The following WFDC11 variants were observed in gnomAD, a reference collection of about 807,000 sequenced individuals.
WFDC11 encodes the protein protein WFDC11.
Under a neutral mutation model 9.9 loss-of-function variants are expected in WFDC11, and 9 were observed. The observed-to-expected ratio is 0.91, with a 90% CI of 0.55 to 1.58. The LOEUF (loss-of-function observed/expected upper bound fraction) is 1.58, where lower values mean the gene tolerates loss of function less well. Among genes scored for constraint, WFDC11 ranks in the 40% most tolerant of loss-of-function variants. The pLI is 0.00. For synonymous variants in WFDC11, 32 were observed against 33.3 expected (o/e 0.96, Z 0.13); for missense variants, 106 against 101.7 (o/e 1.04, Z -0.18).
intron 2 of WFDC11, among the ~76,000 whole-genome samples, chr20:45,656,629 T>G (rs13039037): frequency 0.18 from 26,982 of 149,090 alleles, 2,675 homozygotes; most frequent in East Asian, 0.3. Context: ...CAAAGGAAAC[T>G]ACCATCAGAG....
At chr20:45,657,299 T>A (rs1982954636) in intron 2 of WFDC11, among the ~76,000 whole-genome samples, 1 of 151,988 alleles carries the variant, frequency 6.6e-6, no homozygotes, top group South Asian at 2.1e-4. Context: ...TGGATGAAGC[T>A]AGAAACCATC....
intron 2 of WFDC11, among the ~76,000 whole-genome samples, chr20:45,666,297 G>A (rs1983187046): frequency 6.6e-6 from 1 of 152,226 alleles, no homozygotes; most frequent in African/African-American, 2.4e-5. Flanking sequence ...TATTTGGGTG[G>A]GAGTGTCCTG....
chr20:45,661,191 G>GT (rs1983055190), intron 2 of WFDC11, among the ~76,000 whole-genome samples: 3 of 152,138 alleles, frequency 2.0e-5, no homozygotes, highest in Non-Finnish European at 4.4e-5. Context: ...TTTTTCATGT[G>GT]TTTTTTGGCT....
intron 2 of WFDC11, among the ~76,000 whole-genome samples, chr20:45,663,794 G>A (rs59326186): frequency 0.025 from 3,838 of 152,330 alleles, 138 homozygotes; most frequent in African/African-American, 0.083. Flanking sequence ...CTGAGAGACA[G>A]TTTGTTGTGA....
intron 2 of WFDC11, among the ~76,000 whole-genome samples, chr20:45,653,797 C>T (rs577773286): frequency 2.6e-5 from 4 of 152,266 alleles, no homozygotes; most frequent in Admixed American, 1.3e-4. Context: ...TCTGATAAAA[C>T]AGACTTTAAA....
intron 2 of WFDC11, among the ~76,000 whole-genome samples, chr20:45,658,862 C>T (rs1006886651): frequency 2.0e-5 from 3 of 151,934 alleles, no homozygotes; most frequent in African/African-American, 7.3e-5. Flanking sequence ...CTAATGCTAT[C>T]CCTCCCCCAC....
In WFDC11 at chr20:45,650,654, A is replaced by G. The variant is rs1568660839; in HGVS notation, c.-51-3T>C. The G allele has an allele frequency of 7.0e-7, 1 of 1,438,778 alleles. No individual in the cohort carries two copies. 89.1% of individuals were successfully genotyped at this position (1,438,778 alleles called of 1,614,324 possible). A position where few individuals can be genotyped will look rare whatever the true frequency, so the allele number is the denominator to read the frequency against. On this transcript the variant is annotated splice_polypyrimidine_tract_variant and splice_region_variant and intron_variant, in intron 2 of 4. Coordinates refer to ENST00000324384, the MANE Select transcript of WFDC11 (RefSeq NM_147197.2). ...ATTATTTTTCTTCCCAGTCGCTGCTAGAGATCAAGACATATAAATAGGGAA... is the reference window on the plus strand; with the variant it reads ...ATTATTTTTCTTCCCAGTCGCTGCTGGAGATCAAGACATATAAATAGGGAA...
chr20:45,664,197 T>A (rs1336938935), intron 2 of WFDC11, among the ~76,000 whole-genome samples: 1 of 152,206 alleles, frequency 6.6e-6, no homozygotes, highest in East Asian at 1.9e-4. Flanking sequence ...TCTCTTTTGA[T>A]CTTTGTTGGT....
intron 2 of WFDC11, among the ~76,000 whole-genome samples, chr20:45,657,937 C>T (rs536346217): frequency 1.3e-5 from 2 of 152,084 alleles, no homozygotes; most frequent in South Asian, 4.2e-4. Context: ...TCCACTATAT[C>T]GATGTATAAT....
At chr20:45,666,236 G>A (rs376035935) in intron 2 of WFDC11, among the ~76,000 whole-genome samples, 29 of 152,342 alleles carry the variant, frequency 1.9e-4, no homozygotes, top group East Asian at 5.8e-4. Context: ...AGCCAGGCCC[G>A]GGAGAGAATC....
intron 2 of WFDC11, among the ~76,000 whole-genome samples, chr20:45,659,023 C>A (rs930127498): frequency 2.6e-5 from 4 of 152,158 alleles, no homozygotes; most frequent in Admixed American, 6.5e-5. Flanking sequence ...TCATCCATGT[C>A]CCTACAAAGG....
intron 2 of WFDC11, among the ~76,000 whole-genome samples, chr20:45,654,515 A>G (rs1982879428): frequency 6.6e-6 from 1 of 152,212 alleles, no homozygotes; most frequent in Non-Finnish European, 1.5e-5. Context: ...CATCACAATT[A>G]AAAGAACTAG....
intron 2 of WFDC11, among the ~76,000 whole-genome samples, chr20:45,661,341 C>T (rs957966899): frequency 1.4e-4 from 21 of 151,876 alleles, no homozygotes; most frequent in Middle Eastern, 3.4e-3. Context: ...GAGTAGGTTG[C>T]GAAAATTTTC....
At chr20:45,668,212 G>A (rs1476002817) in intron 1 of WFDC11, among the ~76,000 whole-genome samples, 2 of 152,174 alleles carry the variant, frequency 1.3e-5, no homozygotes, top group African/African-American at 4.8e-5. Flanking sequence ...TACAGTGCTA[G>A]CAGAGGGGCA....
intron 2 of WFDC11, among the ~76,000 whole-genome samples, chr20:45,656,192 G>A (rs907510298): frequency 1.3e-5 from 2 of 151,864 alleles, no homozygotes; most frequent in East Asian, 3.8e-4. Context: ...TATACTACAA[G>A]CCTACAGTAA....
chr20:45,659,939 A>G (rs1357263852), intron 2 of WFDC11, among the ~76,000 whole-genome samples: 2 of 152,148 alleles, frequency 1.3e-5, no homozygotes, highest in African/African-American at 4.8e-5. Flanking sequence ...ATGGCTGGCC[A>G]GTTTTCCCAG....
chr20:45,652,209 C>G (rs539140723), intron 2 of WFDC11, among the ~76,000 whole-genome samples: 7 of 152,188 alleles, frequency 4.6e-5, no homozygotes, highest in Non-Finnish European at 8.8e-5. Context: ...ACACCTCACA[C>G]AGCTGGGTAC....
At chr20:45,657,376 T>A (rs1405830538) in intron 2 of WFDC11, among the ~76,000 whole-genome samples, 2 of 136,158 alleles carry the variant, frequency 1.5e-5, no homozygotes, top group Non-Finnish European at 3.0e-5. Context: ...AGGTGGGAAT[T>A]GAACCATGAG....
intron 4 of WFDC11, 60 bp from the exon 5 acceptor site, chr20:45,648,799 T>C (rs377468328): frequency 2.5e-4 from 384 of 1,527,328 alleles, no homozygotes; most frequent in Non-Finnish European, 3.4e-4. Context: ...CAAGCATTCA[T>C]TCCCCCTGCT....
Sources: gnomAD v4.1 joint callset for allele counts (sites outside exome capture counted in the v4.1 genomes callset) on GRCh38, gnomAD v4.1.1 for gene constraint, MANE v1.5 for transcripts, NCBI Gene and HGNC (gene_info 2026-07-23, HGNC 2026-07-21) for gene names.